The following EMID1 variants were observed in gnomAD, a reference collection of about 807,000 sequenced individuals.
The protein encoded by EMID1 is EMI domain containing 1.
Under a neutral mutation model 60.6 loss-of-function variants are expected in EMID1, and 40 were observed. The ratio of observed to expected loss-of-function variants is 0.66; its 90% CI spans 0.51 to 0.86. EMID1 has a LOEUF of 0.86. EMID1 is among the 40% of genes least tolerant of loss of function. The probability of loss-of-function intolerance (pLI) is 0.00; values close to 1 mark genes in which losing one functional copy is unlikely to be tolerated. For synonymous variants in EMID1, 242 were observed against 231.0 expected (o/e 1.05, Z -0.43); for missense variants, 585 against 597.1 (o/e 0.98, Z 0.21).
intron 14 of EMID1, 43 bp from the exon 15 acceptor site, chr22:29,258,774 T>A (rs761042581): frequency 3.7e-6 from 6 of 1,609,156 alleles, no homozygotes; most frequent in Non-Finnish European, 5.1e-6. Context: ...GCACCTCACA[T>A]GAACCCCTCT....
At chr22:29,216,209 T>TG in intron 3 of EMID1, 1 of 690,292 alleles carries the variant, frequency 1.4e-6, no homozygotes. Context: ...CTTCACTGTG[T>TG]GTACCTCTGG....
chr22:29,228,705 C>T (rs2040619360), intron 5 of EMID1, among the ~76,000 whole-genome samples: 1 of 152,210 alleles, frequency 6.6e-6, no homozygotes. Flanking sequence ...AGCTATCCTC[C>T]TGCCCCAACC....
At chr22:29,249,837 A>G (rs558187213) in intron 13 of EMID1, among the ~76,000 whole-genome samples, 11 of 148,686 alleles carry the variant, frequency 7.4e-5, no homozygotes, top group Non-Finnish European at 1.3e-4. Flanking sequence ...CTGATCTCAA[A>G]CTCCTGATCT....
At chr22:29,244,389 G>C (rs1480416265) in intron 13 of EMID1, among the ~76,000 whole-genome samples, 2 of 152,070 alleles carry the variant, frequency 1.3e-5, no homozygotes, top group East Asian at 3.9e-4. Context: ...TCAGGAGTTT[G>C]AGACCAGCCT....
chr22:29,231,553 C>G (rs201840101), intron 6 of EMID1, 40 bp from the exon 7 acceptor site: 1 of 1,543,752 alleles, frequency 6.5e-7, no homozygotes, highest in Admixed American at 2.0e-5. Flanking sequence ...GGGTCAAGAG[C>G]AGATGTGGAG....
chr22:29,231,321 T>C, intron 6 of EMID1, 181 bp downstream of exon 6: 1 of 987,076 alleles, frequency 1.0e-6, no homozygotes, highest in Non-Finnish European at 1.5e-6. Flanking sequence ...TCCTGAATGC[T>C]GCAGTCCCTG....
At chr22:29,225,334 C>G in intron 4 of EMID1, 118 bp downstream of exon 4, 1 of 1,027,574 alleles carries the variant, frequency 9.7e-7, no homozygotes, top group Non-Finnish European at 1.4e-6. Context: ...GGGTCAAGGA[C>G]AGTAACTATC....
At chr22:29,257,187 G>A (rs957173998) in intron 14 of EMID1, among the ~76,000 whole-genome samples, 4 of 152,158 alleles carry the variant, frequency 2.6e-5, no homozygotes, top group South Asian at 2.1e-4. Context: ...AGCTTGGGTC[G>A]GGGCTTGGAG....
chr22:29,245,238 G>A (rs1239364593), intron 13 of EMID1, among the ~76,000 whole-genome samples: 1 of 152,140 alleles, frequency 6.6e-6, no homozygotes, highest in African/African-American at 2.4e-5. Flanking sequence ...AGCTGAGCTG[G>A]GATCAGATAG....
chr22:29,225,272 G>T, intron 4 of EMID1, 56 bp downstream of exon 4: 7 of 1,583,704 alleles, frequency 4.4e-6, no homozygotes, highest in Non-Finnish European at 6.0e-6. Flanking sequence ...CCCTGGAGGG[G>T]GCTCAGGGCA....
chr22:29,226,368 C>G, intron 4 of EMID1, 122 bp from the exon 5 acceptor site: 4 of 1,097,468 alleles, frequency 3.6e-6, no homozygotes, highest in Non-Finnish European at 5.2e-6. Context: ...CCTAAGGTCC[C>G]TCGTGGGTTG....
intron 1 of EMID1, among the ~76,000 whole-genome samples, chr22:29,214,373 A>G (rs1208415811): frequency 6.6e-6 from 1 of 152,122 alleles, no homozygotes; most frequent in African/African-American, 2.4e-5. Flanking sequence ...CGCCATGGGG[A>G]GAAGCGGAGG....
rs370165301 is a variant in EMID1 at position 29,258,911 on chromosome 22, C to A, written c.1299C>A (p.Ile433=). ...KRGGHATNYR[I]VAPRSRDERG is the part of the protein sequence containing the mutation. ...GCGGACATGCAACCAACTACCGGAT[C>A]GTGGCCCCCAGGAGCCGGGACGAGA... The change falls in exon 15 of 15, where the codon ATC becomes ATA. Residue 433 remains isoleucine (I), a synonymous_variant. Transcript: ENST00000334018. 3 of 1,613,216 alleles carry A rather than the reference C, an allele frequency of 1.9e-6. No individual in the cohort carries two copies. Among genetic ancestry groups the A allele is most frequent in the Non-Finnish European group, 2.5e-6 (3 of 1,179,738 alleles).
At position 29,254,395 on chromosome 22, in the gene EMID1, G is replaced by A. The variant is rs1052657427; in HGVS notation, c.1204+108G>A. 26 of 1,078,086 alleles carry A rather than the reference G, an allele frequency of 2.4e-5. No individual in the cohort carries two copies. The East Asian group carries it at 2.7e-4, about 11-fold the overall frequency. The allele number at this position is 1,078,086 out of a possible 1,614,324, so 66.8% of individuals were successfully genotyped here. A position where few individuals can be genotyped will look rare whatever the true frequency, so the allele number is the denominator to read the frequency against. On this transcript the variant is annotated intron_variant, in intron 14 of 14. Coordinates refer to ENST00000334018, the MANE Select transcript of EMID1 (RefSeq NM_133455.4). ...TGAGCCCAGTCATGAGGCTGGAGAA[G>A]GTGCCTGCCCCAGGCAAGCATGGAC...
chr22:29,243,716 T>C (rs900573676), intron 13 of EMID1, among the ~76,000 whole-genome samples: 5 of 152,234 alleles, frequency 3.3e-5, no homozygotes, highest in African/African-American at 9.6e-5. Flanking sequence ...CCATGCCTTC[T>C]GTCTCAGTCT....
At position 29,244,063 on chromosome 22, in the gene EMID1, A is replaced by T. The variant is rs144135709; in HGVS notation, c.1119+574A>T. ...GAGACGCCTCGAAACTGCTATGTAC[A>T]CGTTTGATGTGGTTAATGAGGCCAG... On this transcript the variant is annotated intron_variant, in intron 13 of 14. Transcript: ENST00000334018. Among the ~76,000 whole-genome samples the T allele has an allele frequency of 7.2e-5, 11 of 152,330 alleles. No individual in the cohort carries two copies. The East Asian group carries it at 2.1e-3, about 29-fold the overall frequency.
intron 13 of EMID1, among the ~76,000 whole-genome samples, chr22:29,249,768 C>G (rs5763103): frequency 0.58 from 87,555 of 151,248 alleles, 25,544 homozygotes; most frequent in Middle Eastern, 0.66. Context: ...GTGCCTGCCA[C>G]CACGCCTGGC....
At chr22:29,209,773 G>C (rs1385296127) in intron 1 of EMID1, among the ~76,000 whole-genome samples, 1 of 152,186 alleles carries the variant, frequency 6.6e-6, no homozygotes, top group African/African-American at 2.4e-5. Flanking sequence ...TTTCCAGGCA[G>C]AGGGATCTTC....
chr22:29,231,016 T>C lies in EMID1; in HGVS notation c.466-4T>C. 2 of 1,612,524 alleles carry C rather than the reference T, an allele frequency of 1.2e-6. No individual in the cohort carries two copies. The highest frequency in any genetic ancestry group is 1.7e-6 in the Non-Finnish European group (2 of 1,179,142). On this transcript the variant is annotated splice_region_variant and splice_polypyrimidine_tract_variant and intron_variant, in intron 5 of 14. Coordinates refer to ENST00000334018, the MANE Select transcript of EMID1 (RefSeq NM_133455.4). ...ACCCACCCCGTCCCTGTCTTCCTCT[T>C]CAGATGACCATGCTGACTGTCATAG...
Sources: allele counts gnomAD v4.1 joint callset (sites outside exome capture counted in the v4.1 genomes callset), GRCh38; gene constraint gnomAD v4.1.1; transcripts MANE v1.5; gene names NCBI Gene and HGNC (gene_info 2026-07-23, HGNC 2026-07-21).